Variants in SLC44A5 observed in about 807,000 individuals in gnomAD.
The protein encoded by SLC44A5 is solute carrier family 44 member 5, also known as choline transporter-like protein 5.
A neutral mutation model predicts 101.8 loss-of-function variants in SLC44A5; 57 were observed. The observed-to-expected ratio is 0.56, with a 90% CI of 0.45 to 0.70. The LOEUF is 0.70. SLC44A5 is among the 30% of genes least tolerant of loss of function. The probability of loss-of-function intolerance (pLI) is 0.00; values close to 1 mark genes in which losing one functional copy is unlikely to be tolerated. For synonymous variants in SLC44A5, 281 were observed against 290.9 expected (o/e 0.97, Z 0.35); for missense variants, 737 against 853.1 (o/e 0.86, Z 1.70).
intron 2 of SLC44A5, among the ~76,000 whole-genome samples, chr1:75,419,215 T>A (rs1663848104): frequency 6.6e-6 from 1 of 152,150 alleles, no homozygotes; most frequent in Non-Finnish European, 1.5e-5. Context: ...GGATAATTTT[T>A]TTTTAAATTG....
intron 2 of SLC44A5, among the ~76,000 whole-genome samples, chr1:75,398,159 T>C (rs906125836): frequency 6.6e-6 from 1 of 152,220 alleles, no homozygotes; most frequent in Non-Finnish European, 1.5e-5. Flanking sequence ...TTGCCTTTAA[T>C]GTTCCGAATA....
At chr1:75,441,837 G>A (rs967836968) in intron 2 of SLC44A5, among the ~76,000 whole-genome samples, 2 of 151,974 alleles carry the variant, frequency 1.3e-5, no homozygotes, top group African/African-American at 4.8e-5. Context: ...TGTATATTAG[G>A]AGATTTTGAC....
chr1:75,568,192 T>A (rs1245662547), intron 1 of SLC44A5, among the ~76,000 whole-genome samples: 3 of 152,172 alleles, frequency 2.0e-5, no homozygotes, highest in Non-Finnish European at 4.4e-5. Context: ...CTGTAACGTA[T>A]AATTTGTGGG....
At chr1:75,603,335 G>T (rs1360324415) in intron 1 of SLC44A5, among the ~76,000 whole-genome samples, 1 of 145,202 alleles carries the variant, frequency 6.9e-6, no homozygotes, top group Non-Finnish European at 1.5e-5. Flanking sequence ...TGGCTATATA[G>T]TATTCCATAG....
chr1:75,543,368 T>C (rs1671457120), intron 1 of SLC44A5, among the ~76,000 whole-genome samples: 1 of 151,966 alleles, frequency 6.6e-6, no homozygotes, highest in Non-Finnish European at 1.5e-5. Flanking sequence ...GGAAAGCTTG[T>C]GTGCCTCATT....
At chr1:75,231,999 T>A (rs113401380) in intron 12 of SLC44A5, among the ~76,000 whole-genome samples, 22 of 152,230 alleles carry the variant, frequency 1.4e-4, no homozygotes, top group African/African-American at 4.8e-4. Context: ...GTAGAAAAAA[T>A]TGGTTTCTCA....
At chr1:75,369,468 G>C (rs1374593519) in intron 3 of SLC44A5, among the ~76,000 whole-genome samples, 2 of 152,236 alleles carry the variant, frequency 1.3e-5, no homozygotes, top group South Asian at 2.1e-4. Context: ...AAGAAAGAAT[G>C]CATGTTCTTT....
At chr1:75,244,086 G>T (rs532648448) in intron 7 of SLC44A5, among the ~76,000 whole-genome samples, 1 of 152,036 alleles carries the variant, frequency 6.6e-6, no homozygotes, top group Admixed American at 6.6e-5. Flanking sequence ...CTGGCTCCAT[G>T]TTTCTTGTAC....
chr1:75,370,612 C>T (rs1660161217), intron 3 of SLC44A5, among the ~76,000 whole-genome samples: 1 of 152,206 alleles, frequency 6.6e-6, no homozygotes, highest in African/African-American at 2.4e-5. Flanking sequence ...TAAACCAGAG[C>T]ATTCCTAGCA....
chr1:75,415,381 T>C (rs1249802), intron 2 of SLC44A5, among the ~76,000 whole-genome samples: 152,313 of 152,356 alleles, frequency 1, 76,135 homozygotes, highest in Middle Eastern at 1. Flanking sequence ...TAGGATGTGA[T>C]TTGCTCTTCC....
At chr1:75,281,188 T>G (rs909472825) in intron 5 of SLC44A5, among the ~76,000 whole-genome samples, 1 of 152,108 alleles carries the variant, frequency 6.6e-6, no homozygotes, top group Non-Finnish European at 1.5e-5. Context: ...GATAGTGATA[T>G]GGACAATGAA....
At chr1:75,709,541 T>A in the SLC44A5 span, among the ~76,000 whole-genome samples, 1 of 152,230 alleles carries the variant, frequency 6.6e-6, no homozygotes, top group African/African-American at 2.4e-5. Context: ...TTCAGGTTTT[T>A]TCTTTCTTGA....
At chr1:75,509,878 T>C (rs2101866607) in intron 2 of SLC44A5, among the ~76,000 whole-genome samples, 1 of 152,294 alleles carries the variant, frequency 6.6e-6, no homozygotes, top group East Asian at 1.9e-4. Context: ...CTCATGATGC[T>C]AATAAAAACA....
intron 2 of SLC44A5, 33 bp from the exon 3 acceptor site, chr1:75,396,654 T>A: frequency 1.9e-6 from 3 of 1,571,810 alleles, no homozygotes; most frequent in Middle Eastern, 3.4e-4. Context: ...AAAAAAATAT[T>A]TGTAGGGGCT....
intron 5 of SLC44A5, among the ~76,000 whole-genome samples, chr1:75,298,126 C>G (rs904820926): frequency 6.6e-6 from 1 of 152,098 alleles, no homozygotes; most frequent in Non-Finnish European, 1.5e-5. Flanking sequence ...CATATTTGCT[C>G]AAATGAAGGT....
At chr1:75,343,743 C>A (rs1047854843) in intron 3 of SLC44A5, among the ~76,000 whole-genome samples, 12 of 152,088 alleles carry the variant, frequency 7.9e-5, no homozygotes, top group Non-Finnish European at 1.6e-4. Flanking sequence ...TAATATACAA[C>A]AATAGCCAGC....
At chr1:75,625,706 TTA>T in the SLC44A5 span, among the ~76,000 whole-genome samples, 1 of 152,242 alleles carries the variant, frequency 6.6e-6, no homozygotes, top group South Asian at 2.1e-4. Context: ...TCTTATTTAT[TTA>T]TTTTCTGGTA....
At chr1:75,685,227 C>T in the SLC44A5 span, among the ~76,000 whole-genome samples, 45 of 151,842 alleles carry the variant, frequency 3.0e-4, no homozygotes, top group African/African-American at 1.1e-3. Flanking sequence ...ATTTTTTTTT[C>T]CTGGGCCTCC....
At chr1:75,710,971 G>C in the SLC44A5 span, among the ~76,000 whole-genome samples, 6 of 152,060 alleles carry the variant, frequency 3.9e-5, no homozygotes, top group Non-Finnish European at 8.8e-5. Context: ...CTACCCATTG[G>C]CTTCCCCTGT....
Sources: allele counts gnomAD v4.1 joint callset (sites outside exome capture counted in the v4.1 genomes callset), GRCh38; gene constraint gnomAD v4.1.1; transcripts MANE v1.5; gene names NCBI Gene and HGNC (gene_info 2026-07-23, HGNC 2026-07-21).